The following LOXL2 variants were observed in gnomAD, a reference collection of about 807,000 sequenced individuals.
LOXL2 encodes the protein lysyl oxidase like 2.
Under a neutral mutation model 93.0 loss-of-function variants are expected in LOXL2, and 70 were observed. The ratio of observed to expected loss-of-function variants is 0.75; its 90% CI spans 0.62 to 0.92. The LOEUF is 0.92. Ranked by LOEUF, LOXL2 falls within the 40% of genes least tolerant of loss-of-function variation. The probability of loss-of-function intolerance (pLI) is 0.00; values close to 1 mark genes in which losing one functional copy is unlikely to be tolerated. For missense variants in LOXL2, 973 were observed against 1,054.9 expected (o/e 0.92, Z 1.08); for synonymous variants, 438 against 413.2 (o/e 1.06, Z -0.73).
At chr8:23,356,722 C>T (rs535126294) in intron 3 of LOXL2, among the ~76,000 whole-genome samples, 1 of 152,324 alleles carries the variant, frequency 6.6e-6, no homozygotes, top group African/African-American at 2.4e-5. Context: ...ATCTGTCTGA[C>T]AGCCAGAGGG....
intron 1 of LOXL2, among the ~76,000 whole-genome samples, chr8:23,376,752 G>C (rs1192922637): frequency 1.3e-5 from 2 of 152,132 alleles, no homozygotes; most frequent in East Asian, 3.8e-4. Context: ...ATTCTCTGAT[G>C]GTTGTTTGTA....
At chr8:23,326,694 C>A (rs1017885940) in intron 6 of LOXL2, among the ~76,000 whole-genome samples, 1 of 152,166 alleles carries the variant, frequency 6.6e-6, no homozygotes, top group Non-Finnish European at 1.5e-5. Context: ...GCAGAGGTTG[C>A]AGTGAGCCGA....
At chr8:23,308,147 G>A (rs998915575) in intron 10 of LOXL2, among the ~76,000 whole-genome samples, 4 of 152,074 alleles carry the variant, frequency 2.6e-5, no homozygotes, top group African/African-American at 7.2e-5. Flanking sequence ...GGTTCCCTAG[G>A]CCTGACACTT....
At position 23,380,191 on chromosome 8, in the gene LOXL2, G is replaced by A. The variant is rs545703399; in HGVS notation, c.-83-11757C>T. 2.0e-4 allele frequency among the ~76,000 whole-genome samples: 29 copies of A among 148,712 alleles called. No homozygotes were observed. The East Asian group carries it at 4.3e-3, about 22-fold the overall frequency. ...AGGCGGATCACGAGGTCAAGAGATCGAGACCATCCTGGCCAACATGGTGAA... is the reference window on the plus strand; with the variant it reads ...AGGCGGATCACGAGGTCAAGAGATCAAGACCATCCTGGCCAACATGGTGAA... On this transcript the variant is annotated intron_variant, in intron 1 of 13. Transcript: ENST00000389131.
chr8:23,303,221 G>A (rs530094399), intron 11 of LOXL2, 61 bp downstream of exon 11: 49 of 1,025,796 alleles, frequency 4.8e-5, no homozygotes, highest in South Asian at 4.7e-4. Flanking sequence ...CCAGGTGATC[G>A]TGGAGGCAGA....
chr8:23,399,431 C>A (rs1180614638), intron 1 of LOXL2, among the ~76,000 whole-genome samples: 1 of 152,278 alleles, frequency 6.6e-6, no homozygotes, highest in Middle Eastern at 3.4e-3. Context: ...GAGTGCTCTG[C>A]CCTCATAAAC....
intron 4 of LOXL2, among the ~76,000 whole-genome samples, chr8:23,337,821 T>C (rs990156012): frequency 1.3e-5 from 2 of 152,176 alleles, no homozygotes; most frequent in Non-Finnish European, 2.9e-5. Flanking sequence ...TGGAAGTCAG[T>C]GCCACGGCCA....
chr8:23,352,798 G>A (rs980026633), intron 3 of LOXL2, among the ~76,000 whole-genome samples: 8 of 151,848 alleles, frequency 5.3e-5, no homozygotes, highest in Admixed American at 2.0e-4. Flanking sequence ...CTTTCTCCTC[G>A]TTCTGTCCTC....
At chr8:23,369,416 T>A (rs2117215051) in intron 1 of LOXL2, among the ~76,000 whole-genome samples, 1 of 152,248 alleles carries the variant, frequency 6.6e-6, no homozygotes, top group Middle Eastern at 3.4e-3. Flanking sequence ...CAAACCAGGA[T>A]GAGCAGGTGG....
chr8:23,309,472 G>A (rs1248798567), intron 10 of LOXL2, among the ~76,000 whole-genome samples, 196 bp downstream of exon 10: 2 of 152,236 alleles, frequency 1.3e-5, no homozygotes, highest in Non-Finnish European at 2.9e-5. Flanking sequence ...CAGGCCAGGG[G>A]AACTTGGAGT....
chr8:23,323,485 A>G (rs1305436084), intron 6 of LOXL2, among the ~76,000 whole-genome samples: 2 of 152,182 alleles, frequency 1.3e-5, no homozygotes, highest in East Asian at 3.8e-4. Flanking sequence ...AGCTTCCTCC[A>G]TGGTGCAGCT....
chr8:23,302,180 G>A lies in LOXL2; in HGVS notation c.1997-17C>T. 1.2e-6 allele frequency: 2 copies of A among 1,613,458 alleles called. No homozygotes were observed. The highest frequency in any genetic ancestry group is 1.7e-6 in the Non-Finnish European group (2 of 1,179,456). Reference sequence around the variant, plus strand: ...TCTGGATGTCTGCGGGCAGGGTAGAGGAGAGCTCATCACCAGGGAACCATG... The same window carrying A: ...TCTGGATGTCTGCGGGCAGGGTAGAAGAGAGCTCATCACCAGGGAACCATG... On this transcript the variant is annotated splice_polypyrimidine_tract_variant and intron_variant, in intron 11 of 13. Coordinates refer to ENST00000389131, the MANE Select transcript of LOXL2 (RefSeq NM_002318.3).
chr8:23,337,088 G>A (rs1585356711), intron 4 of LOXL2: 2 of 152,182 alleles, frequency 1.3e-5, no homozygotes, highest in Admixed American at 1.3e-4. Context: ...TACAGATTAA[G>A]TACGAACTTA....
intron 1 of LOXL2, among the ~76,000 whole-genome samples, chr8:23,383,335 GTA>G (rs1231245827): frequency 6.6e-6 from 1 of 152,096 alleles, no homozygotes; most frequent in Non-Finnish European, 1.5e-5. Context: ...GTGTGTGTGT[GTA>G]TGATGGTTAA....
At chr8:23,321,782 G>A in intron 7 of LOXL2, 1 of 228,234 alleles carries the variant, frequency 4.4e-6, no homozygotes, top group East Asian at 9.5e-5. Context: ...CCTCCAGCCA[G>A]CAGAGCACAG....
chr8:23,350,350 G>A (rs866965725), intron 3 of LOXL2, among the ~76,000 whole-genome samples: 15 of 152,010 alleles, frequency 9.9e-5, no homozygotes, highest in African/African-American at 2.9e-4. Context: ...AGGCCGAGGC[G>A]GGCAGTTCAC....
intron 9 of LOXL2, among the ~76,000 whole-genome samples, chr8:23,313,570 G>C (rs1358961179): frequency 2.0e-5 from 3 of 152,120 alleles, no homozygotes; most frequent in Non-Finnish European, 4.4e-5. Flanking sequence ...TTAATAAATG[G>C]TGCTGAGAAA....
At chr8:23,327,713 T>A (rs891824340) in intron 6 of LOXL2, among the ~76,000 whole-genome samples, 23 of 152,120 alleles carry the variant, frequency 1.5e-4, no homozygotes, top group African/African-American at 5.1e-4. Context: ...ATGGTGGTCG[T>A]GGGGCTTCCT....
intron 6 of LOXL2, 51 bp downstream of exon 6, chr8:23,328,331 G>T: frequency 6.3e-7 from 1 of 1,588,322 alleles, no homozygotes; most frequent in Non-Finnish European, 8.6e-7. Flanking sequence ...CTGGGCTCAC[G>T]GCACCATGCT....
Sources: allele counts gnomAD v4.1 joint callset (sites outside exome capture counted in the v4.1 genomes callset), GRCh38; gene constraint gnomAD v4.1.1; transcripts MANE v1.5; gene names NCBI Gene and HGNC (gene_info 2026-07-23, HGNC 2026-07-21).